The following PHF3 variants were observed in gnomAD, a reference collection of about 807,000 sequenced individuals.
PHF3 encodes the protein PHD finger protein 3.
In PHF3, 41 loss-of-function variants were observed where a neutral mutation model predicts 178.4. The observed-to-expected ratio is 0.23, with a 90% CI of 0.18 to 0.30. The LOEUF (loss-of-function observed/expected upper bound fraction) is 0.30. Ranked by LOEUF, PHF3 falls within the 10% of genes least tolerant of loss-of-function variation. The pLI, the probability that PHF3 is intolerant of heterozygous loss-of-function variation, is 1.00. For synonymous variants in PHF3, 842 were observed against 800.5 expected (o/e 1.05, Z -0.88); for missense variants, 2,346 against 2,398.1 (o/e 0.98, Z 0.45).
In PHF3 at chr6:63,723,548, T is replaced by C. The variant is rs1444435684; in HGVS notation, c.*9840T>C. 6.6e-6 allele frequency among the ~76,000 whole-genome samples: 1 copy of C among 152,022 alleles called. No individual in the cohort carries two copies. Among genetic ancestry groups the C allele is most frequent in the Non-Finnish European group, 1.5e-5 (1 of 68,000 alleles). On this transcript the variant is annotated 3_prime_UTR_variant, in exon 16 of 16. Transcript: ENST00000262043. ...ATATCTAAGAAATGATTAGGAAAGC[T>C]GAAGCTGTGATCTATACTATCACTG...
In PHF3 at chr6:63,671,490, G is replaced by T. The variant is rs116430648; in HGVS notation, c.245-8510G>T. Reference sequence around the variant, plus strand: ...TTGCTTTTTGGTGGCAGAGGTCATGGTTTATTTGACTTGGGCTAGTTAGGG... The same window carrying T: ...TTGCTTTTTGGTGGCAGAGGTCATGTTTTATTTGACTTGGGCTAGTTAGGG... On this transcript the variant is annotated intron_variant, in intron 2 of 15. Coordinates refer to ENST00000262043, the MANE Select transcript of PHF3 (RefSeq NM_001370348.2). Among the ~76,000 whole-genome samples the T allele has an allele frequency of 4.1e-3, 620 of 152,294 alleles. 7 individuals are homozygous for T. Among genetic ancestry groups the T allele is most frequent in the African/African-American group, 0.014 (597 of 41,568 alleles).
At chr6:63,696,897 G>A (rs1005964090) in intron 6 of PHF3, among the ~76,000 whole-genome samples, 1 of 152,170 alleles carries the variant, frequency 6.6e-6, no homozygotes, top group Non-Finnish European at 1.5e-5. Flanking sequence ...ATGAATGAAT[G>A]GAAGAGTGAG....
At position 63,646,595 on chromosome 6, in the gene PHF3, A is replaced by T; in HGVS notation, c.44A>T (p.His15Leu). The T allele has an allele frequency of 6.2e-7, 1 of 1,613,128 alleles. No individual in the cohort carries two copies. Among genetic ancestry groups the T allele is most frequent in the Non-Finnish European group, 8.5e-7 (1 of 1,179,222 alleles). ...DTFNHLIPTE[H>L]LDDALFLGSN... is the part of the protein sequence containing the mutation. ...TTTAATCATTTAATTCCTACTGAACACTTAGATGATGCCCTATTTCTAGGA... is the reference window on the plus strand; with the variant it reads ...TTTAATCATTTAATTCCTACTGAACTCTTAGATGATGCCCTATTTCTAGGA... Residue 15 changes from histidine to leucine, a missense_variant, in exon 2 of 16, where the codon CAC (histidine) becomes CTC (leucine). His to Leu is a moderately conservative substitution (Grantham distance 99). Transcript: ENST00000262043.
chr6:63,709,330 T>TGG (rs1178022662), intron 14 of PHF3, 90 bp downstream of exon 14: 1 of 862,918 alleles, frequency 1.2e-6, no homozygotes, highest in Non-Finnish European at 1.9e-6. Flanking sequence ...CAAAGTCTCC[T>TGG]GGGGAAAGGA....
chr6:63,677,051 G>A (rs1766200249), intron 2 of PHF3, among the ~76,000 whole-genome samples: 1 of 152,118 alleles, frequency 6.6e-6, no homozygotes, highest in African/African-American at 2.4e-5. Flanking sequence ...GAATACCTTG[G>A]GAGGAACAGT....
Position 63,685,138 on chromosome 6 carries a change from C to T in PHF3, c.1416C>T (p.Asn472=). ...HETANLQDDR[N]SQSSSVSYLE... The stretch of plus-strand genomic sequence containing the variant: ...CAGCAAACCTTCAGGATGACAGAAA[C>T]AGCCAGTCAAGTAGCGTTTCTTACT... Residue 472 remains asparagine, a synonymous_variant, in exon 4 of 16, where the codon AAC becomes AAT. Transcript: ENST00000262043. The T allele has an allele frequency of 6.2e-7, 1 of 1,613,990 alleles. No individual in the cohort carries two copies. The highest frequency in any genetic ancestry group is 1.1e-5 in the South Asian group (1 of 91,080).
At chr6:63,643,120 T>G (rs891697632) in intron 1 of PHF3, among the ~76,000 whole-genome samples, 2 of 152,144 alleles carry the variant, frequency 1.3e-5, no homozygotes, top group African/African-American at 4.8e-5. Context: ...TTACCGGTTT[T>G]TTTTTGCTAC....
chr6:63,663,581 C>T (rs1379449624), intron 2 of PHF3, among the ~76,000 whole-genome samples: 1 of 152,132 alleles, frequency 6.6e-6, no homozygotes, highest in African/African-American at 2.4e-5. Context: ...GTCTCTGTTG[C>T]CATCATGGAT....
At chr6:63,646,242 A>G (rs1338952553) in intron 1 of PHF3, among the ~76,000 whole-genome samples, 1 of 152,156 alleles carries the variant, frequency 6.6e-6, no homozygotes, top group South Asian at 2.1e-4. Flanking sequence ...AATGGACTAT[A>G]TACATAGTTT....
chr6:63,701,638 A>G (rs938564451), intron 9 of PHF3, among the ~76,000 whole-genome samples: 2 of 152,230 alleles, frequency 1.3e-5, no homozygotes, highest in Admixed American at 1.3e-4. Context: ...GACCTATGCC[A>G]GATCTAGTTT....
At chr6:63,671,565 T>C (rs550731447) in intron 2 of PHF3, among the ~76,000 whole-genome samples, 1 of 152,314 alleles carries the variant, frequency 6.6e-6, no homozygotes, top group African/African-American at 2.4e-5. Flanking sequence ...GTACTCGTAG[T>C]GGCCAGCCTT....
chr6:63,644,844 T>G (rs1207866391), intron 1 of PHF3, among the ~76,000 whole-genome samples: 1 of 151,892 alleles, frequency 6.6e-6, no homozygotes, highest in Non-Finnish European at 1.5e-5. Flanking sequence ...TTGCAGTTCA[T>G]CCTTTCCCTA....
intron 2 of PHF3, among the ~76,000 whole-genome samples, chr6:63,663,768 A>G (rs1296550689): frequency 1.3e-5 from 2 of 152,162 alleles, no homozygotes; most frequent in Non-Finnish European, 2.9e-5. Flanking sequence ...ATGGAGTCGC[A>G]CAGTGCCAGG....
chr6:63,672,698 A>G (rs1765971734), intron 2 of PHF3, among the ~76,000 whole-genome samples: 1 of 152,150 alleles, frequency 6.6e-6, no homozygotes, highest in Non-Finnish European at 1.5e-5. Flanking sequence ...CTACTTCTAT[A>G]TTTGAGTCCT....
At chr6:63,704,410 A>G (rs1000859529) in intron 11 of PHF3, among the ~76,000 whole-genome samples, 1 of 150,610 alleles carries the variant, frequency 6.6e-6, no homozygotes, top group African/African-American at 2.4e-5. Flanking sequence ...CCTTCCCCCA[A>G]CACCCCCACC....
intron 2 of PHF3, among the ~76,000 whole-genome samples, chr6:63,664,398 A>G (rs964471532): frequency 6.6e-5 from 10 of 152,138 alleles, no homozygotes; most frequent in African/African-American, 2.4e-4. Flanking sequence ...TCTGAAGGAG[A>G]TGGGTGTCAA....
rs767540054 is a variant in PHF3, at chr6:63,706,717, G to GTCATTT, written c.3564-9_3564-4dup. The GTCATTT allele has an allele frequency of 6.2e-7, 1 of 1,611,156 alleles. No homozygotes were observed. The highest frequency in any genetic ancestry group is 2.2e-5 in the East Asian group (1 of 44,754). ...TCAGCTTGTCTTTAGGCTTTTTAAT[G>GTCATTT]TCATTTTCTAGTCCAGAGATGCCTG... On this transcript the variant is annotated splice_polypyrimidine_tract_variant and intron_variant, in intron 12 of 15. Coordinates refer to ENST00000262043, the MANE Select transcript of PHF3 (RefSeq NM_001370348.2).
At chr6:63,641,528 A>ATGTGTGTG (rs201250434) in intron 1 of PHF3, among the ~76,000 whole-genome samples, 80 of 140,676 alleles carry the variant, frequency 5.7e-4, no homozygotes, top group African/African-American at 1.7e-3. Flanking sequence ...TTAGGTGTGT[A>ATGTGTGTG]TGTGTGTGTG....
At chr6:63,669,513 T>C (rs536285980) in intron 2 of PHF3, among the ~76,000 whole-genome samples, 2 of 152,228 alleles carry the variant, frequency 1.3e-5, no homozygotes, top group Non-Finnish European at 2.9e-5. Context: ...TCCATTCGTC[T>C]AATTGTGAGA....
Sources: allele counts gnomAD v4.1 joint callset (sites outside exome capture counted in the v4.1 genomes callset), GRCh38; gene constraint gnomAD v4.1.1; transcripts MANE v1.5; gene names NCBI Gene and HGNC (gene_info 2026-07-23, HGNC 2026-07-21).